DLGAP2: variants seen among roughly 807,000 people sequenced by gnomAD.
The protein encoded by DLGAP2 is disks large-associated protein 2.
A neutral mutation model predicts 100.3 loss-of-function variants in DLGAP2; 26 were observed. The observed-to-expected ratio is 0.26, with a 90% CI of 0.19 to 0.36. The LOEUF is 0.36. DLGAP2 is among the 10% of genes least tolerant of loss of function. The pLI is 1.00. For synonymous variants in DLGAP2, 886 were observed against 630.1 expected (o/e 1.41, Z -6.08); for missense variants, 1,858 against 1,453.2 (o/e 1.28, Z -4.53).
intron 3 of DLGAP2, among the ~76,000 whole-genome samples, chr8:1,368,282 G>A (rs1460064694): frequency 6.6e-6 from 1 of 151,938 alleles, no homozygotes; most frequent in East Asian, 1.9e-4. Flanking sequence ...ATGTGTGTAT[G>A]TGTGTGTATT....
intron 2 of DLGAP2, among the ~76,000 whole-genome samples, chr8:1,096,082 T>G (rs774512726): frequency 1.6e-4 from 24 of 152,272 alleles, no homozygotes; most frequent in Non-Finnish European, 3.2e-4. Flanking sequence ...GAGATGACGT[T>G]GCCCTAAATT....
At position 771,206 on chromosome 8, in the gene DLGAP2, T is replaced by C. The variant is rs554224110; in HGVS notation, c.18+33381T>C. On this transcript the variant is annotated intron_variant, in intron 1 of 14. Coordinates refer to ENST00000637795, the MANE Select transcript of DLGAP2 (RefSeq NM_001346810.2). ...CACTTAATCATGCATATTGCTACTT[T>C]CTGTCCACATCTACTTGCAAATGTC... Among the ~76,000 whole-genome samples the C allele has an allele frequency of 1.2e-3, 186 of 152,356 alleles. 1 individual carries two copies. The highest frequency in any genetic ancestry group is 4.1e-3 in the African/African-American group (172 of 41,584).
chr8:997,435 G>C (rs931563533), intron 2 of DLGAP2, among the ~76,000 whole-genome samples: 1 of 151,942 alleles, frequency 6.6e-6, no homozygotes, highest in Non-Finnish European at 1.5e-5. Context: ...AACCAATATA[G>C]AAAACTACAG....
At chr8:765,710 T>G (rs1169557119) in intron 1 of DLGAP2, among the ~76,000 whole-genome samples, 1 of 152,198 alleles carries the variant, frequency 6.6e-6, no homozygotes, top group Non-Finnish European at 1.5e-5. Flanking sequence ...AGCAACATGG[T>G]GCCTTCACCT....
chr8:1,134,285 T>C (rs1196862313), intron 2 of DLGAP2, among the ~76,000 whole-genome samples: 1 of 152,192 alleles, frequency 6.6e-6, no homozygotes, highest in Non-Finnish European at 1.5e-5. Flanking sequence ...TTGTGAATAG[T>C]GCTGCAATGA....
At chr8:1,200,223 C>T (rs892526744) in intron 2 of DLGAP2, among the ~76,000 whole-genome samples, 1 of 152,216 alleles carries the variant, frequency 6.6e-6, no homozygotes, top group Non-Finnish European at 1.5e-5. Context: ...CCTCCTGGGA[C>T]AGCTTCGTGT....
chr8:1,431,708 C>T (rs1486693204), intron 3 of DLGAP2, among the ~76,000 whole-genome samples: 1 of 152,180 alleles, frequency 6.6e-6, no homozygotes, highest in African/African-American at 2.4e-5. Context: ...CACTGGCTCC[C>T]GGGCTTACTC....
intron 2 of DLGAP2, among the ~76,000 whole-genome samples, chr8:938,107 A>G (rs1799112889): frequency 6.6e-6 from 1 of 152,168 alleles, no homozygotes; most frequent in Non-Finnish European, 1.5e-5. Context: ...GACTTAGGAC[A>G]TCAAACGTGC....
At chr8:1,026,797 A>T (rs957814774) in intron 2 of DLGAP2, among the ~76,000 whole-genome samples, 2 of 152,192 alleles carry the variant, frequency 1.3e-5, no homozygotes, top group African/African-American at 4.8e-5. Flanking sequence ...GCTTTAGGTA[A>T]AATATTTATG....
At chr8:1,105,854 A>AG (rs532359684) in intron 2 of DLGAP2, among the ~76,000 whole-genome samples, 4 of 137,350 alleles carry the variant, frequency 2.9e-5, no homozygotes, top group Non-Finnish European at 4.7e-5. Context: ...TTTTCTACTG[A>AG]GGGGGACCAT....
chr8:1,106,842 A>G (rs1199220187), intron 2 of DLGAP2, among the ~76,000 whole-genome samples: 2 of 152,198 alleles, frequency 1.3e-5, no homozygotes, highest in Non-Finnish European at 2.9e-5. Flanking sequence ...GACACCTGTG[A>G]TGAACTGTGT....
intron 3 of DLGAP2, among the ~76,000 whole-genome samples, chr8:1,452,468 T>C (rs1055611430): frequency 2.6e-5 from 4 of 152,170 alleles, no homozygotes; most frequent in African/African-American, 9.7e-5. Flanking sequence ...CCAGTGGACA[T>C]GGAATATGGT....
chr8:964,151 A>G (rs1390282801), intron 2 of DLGAP2, among the ~76,000 whole-genome samples: 1 of 152,192 alleles, frequency 6.6e-6, no homozygotes, highest in Non-Finnish European at 1.5e-5. Flanking sequence ...TGATACATTC[A>G]GGGAGACATA....
chr8:1,164,166 GCCCGTCAT>G lies in DLGAP2; in HGVS notation c.74-94684_74-94677del. On this transcript the variant is annotated intron_variant, in intron 2 of 14. Coordinates refer to ENST00000637795, the MANE Select transcript of DLGAP2 (RefSeq NM_001346810.2). ...GGGATTTTTCTGTGAGCCCCCCAGG[GCCCGTCAT>G]TTTGGTTTGTGGGGATTTTTCTGTG... Among the ~76,000 whole-genome samples, 2 of 118,876 alleles carry G rather than the reference GCCCGTCAT, an allele frequency of 1.7e-5. 1 individual carries two copies. Among genetic ancestry groups the G allele is most frequent in the African/African-American group, 6.6e-5 (2 of 30,202 alleles). The allele number at this position is 118,876 out of a possible 152,430, so 78.0% of individuals were successfully genotyped here.
chr8:1,205,966 A>C (rs1227980824), intron 2 of DLGAP2, among the ~76,000 whole-genome samples: 3 of 152,300 alleles, frequency 2.0e-5, no homozygotes, highest in South Asian at 4.1e-4. Flanking sequence ...CAGCCTGGGC[A>C]ATGTAGAAAG....
intron 6 of DLGAP2, among the ~76,000 whole-genome samples, chr8:1,590,461 C>G (rs1449352884): frequency 6.6e-6 from 1 of 152,184 alleles, no homozygotes; most frequent in African/African-American, 2.4e-5. Flanking sequence ...ATTTCTCCAG[C>G]TGGGTGACCA....
At chr8:1,221,799 T>G (rs141123714) in intron 2 of DLGAP2, among the ~76,000 whole-genome samples, 1 of 152,226 alleles carries the variant, frequency 6.6e-6, no homozygotes. Context: ...CATTTTTAAG[T>G]GCTTTTCTTC....
chr8:1,573,197 CAG>C (rs1802814168), intron 6 of DLGAP2, among the ~76,000 whole-genome samples: 1 of 107,870 alleles, frequency 9.3e-6, no homozygotes, highest in Admixed American at 1.1e-4. Flanking sequence ...GGTGAAGTGT[CAG>C]GGGCATCTGA....
chr8:1,159,622 C>T (rs894912535), intron 2 of DLGAP2, among the ~76,000 whole-genome samples: 1 of 152,098 alleles, frequency 6.6e-6, no homozygotes, highest in Non-Finnish European at 1.5e-5. Flanking sequence ...AGAAAGAATA[C>T]CTGCATCTAT....
Sources: allele counts gnomAD v4.1 joint callset (sites outside exome capture counted in the v4.1 genomes callset), GRCh38; gene constraint gnomAD v4.1.1; transcripts MANE v1.5; gene names NCBI Gene and HGNC (gene_info 2026-07-23, HGNC 2026-07-21).